PLEKHG1: variants seen among roughly 807,000 people sequenced by gnomAD.
PLEKHG1 encodes pleckstrin homology and RhoGEF domain containing G1.
A neutral mutation model predicts 100.8 loss-of-function variants in PLEKHG1; 44 were observed. The observed-to-expected ratio is 0.44, with a 90% CI of 0.34 to 0.56. PLEKHG1 has a LOEUF of 0.56. Among genes scored for constraint, PLEKHG1 ranks in the 20% least tolerant of loss-of-function variants. PLEKHG1 has a pLI of 0.01. For synonymous variants in PLEKHG1, 640 were observed against 662.5 expected, an observed-to-expected ratio of 0.97 and a Z score of 0.52; for missense variants, 1,545 against 1,720.9, an observed-to-expected ratio of 0.90 and a Z score of 1.81.
At position 150,827,956 on chromosome 6, in the gene PLEKHG1, CAG is replaced by C. The variant is rs1281280771; in HGVS notation, c.1471-2625_1471-2624del. ...AAATCTGGAAAAGTTTTGGAGATCT[CAG>C]GGAAGGATTATGTTCAAGAAGTTAC... is the stretch of plus-strand genomic sequence containing the variant. On this transcript the variant is annotated intron_variant, in intron 14 of 15. Transcript: ENST00000358517. The C allele has an allele frequency of 6.8e-6, 11 of 1,611,560 alleles. 1 individual carries two copies. The South Asian group carries it at 1.1e-4, about 16-fold the overall frequency.
chr6:150,622,005 C>G (rs1308395030), intron 1 of PLEKHG1, among the ~76,000 whole-genome samples: 1 of 152,156 alleles, frequency 6.6e-6, no homozygotes, highest in African/African-American at 2.4e-5. Flanking sequence ...GAATCCAACT[C>G]ATATTTGAGG....
At chr6:150,671,933 A>G (rs1779598867) in intron 3 of PLEKHG1, among the ~76,000 whole-genome samples, 1 of 152,152 alleles carries the variant, frequency 6.6e-6, no homozygotes, top group Non-Finnish European at 1.5e-5. Flanking sequence ...GACTATATTT[A>G]TAGGTTTTAA....
chr6:150,719,531 G>A (rs1008854175), upstream of PLEKHG1, among the ~76,000 whole-genome samples: 1 of 152,126 alleles, frequency 6.6e-6, no homozygotes, highest in Non-Finnish European at 1.5e-5. Flanking sequence ...CTTAGAAAAC[G>A]ATTAAATATG....
chr6:150,840,140 C>T (rs772696885), exon 16 of PLEKHG1: 4 of 1,614,208 alleles, frequency 2.5e-6, no homozygotes, highest in Admixed American at 1.7e-5. Context: ...CTCTTCAAAC[C>T]TCTGACCCTC....
At chr6:150,836,246 C>T (rs578211188) in intron 15 of PLEKHG1, among the ~76,000 whole-genome samples, 76 of 152,132 alleles carry the variant, frequency 5.0e-4, no homozygotes, top group East Asian at 2.1e-3. Context: ...AGCGTGGTGG[C>T]GGGCACCTGT....
At chr6:150,617,892 G>A (rs1252353362) in intron 1 of PLEKHG1, among the ~76,000 whole-genome samples, 1 of 152,174 alleles carries the variant, frequency 6.6e-6, no homozygotes, top group Non-Finnish European at 1.5e-5. Flanking sequence ...AGAATACATT[G>A]AAACACAGGA....
intron 15 of PLEKHG1, among the ~76,000 whole-genome samples, chr6:150,836,959 C>T (rs1461854543): frequency 1.3e-5 from 2 of 152,012 alleles, no homozygotes; most frequent in Non-Finnish European, 2.9e-5. Flanking sequence ...ATCAGGAGTT[C>T]GAGACCAGCT....
intron 1 of PLEKHG1, among the ~76,000 whole-genome samples, chr6:150,635,380 G>A (rs916484440): frequency 5.9e-5 from 9 of 152,156 alleles, no homozygotes; most frequent in Admixed American, 1.3e-4. Flanking sequence ...GAAAAGTCAT[G>A]AGTGGACATT....
chr6:150,629,748 TG>T (rs1777666290), intron 1 of PLEKHG1, among the ~76,000 whole-genome samples: 1 of 152,206 alleles, frequency 6.6e-6, no homozygotes, highest in Non-Finnish European at 1.5e-5. Context: ...CGTGAGCCAC[TG>T]CACCTGGCTG....
At chr6:150,800,355 G>A (rs945230870) in intron 5 of PLEKHG1, among the ~76,000 whole-genome samples, 4 of 152,266 alleles carry the variant, frequency 2.6e-5, no homozygotes, top group African/African-American at 4.8e-5. Context: ...ATGGAATACC[G>A]ACGTGCTGTG....
intron 3 of PLEKHG1, among the ~76,000 whole-genome samples, chr6:150,688,139 G>A (rs982644650): frequency 6.8e-6 from 1 of 147,742 alleles, no homozygotes; most frequent in East Asian, 2.0e-4. Flanking sequence ...TCCGTAAGAA[G>A]TGCGAATCAC....
chr6:150,749,101 T>A (rs1783346435), intron 2 of PLEKHG1, among the ~76,000 whole-genome samples: 1 of 152,206 alleles, frequency 6.6e-6, no homozygotes, highest in African/African-American at 2.4e-5. Flanking sequence ...ACACCCCAGA[T>A]CCTGCAGCTA....
chr6:150,725,088 A>G (rs1237508669), intron 1 of PLEKHG1, among the ~76,000 whole-genome samples: 1 of 152,192 alleles, frequency 6.6e-6, no homozygotes, highest in Non-Finnish European at 1.5e-5. Flanking sequence ...TTGATTGCTC[A>G]CAGTTCCAGA....
intron 3 of PLEKHG1, among the ~76,000 whole-genome samples, chr6:150,783,099 A>AT (rs397729414): frequency 6.6e-6 from 1 of 151,640 alleles, no homozygotes; most frequent in African/African-American, 2.4e-5. Context: ...TTAAAAAAAA[A>AT]CTTTGAAATT....
In PLEKHG1 at chr6:150,840,579, G is replaced by T. The variant is rs1562573168; in HGVS notation, c.3841G>T (p.Val1281Leu). Residue 1281 changes from valine (V) to leucine (L), a missense_variant, in exon 16 of 16, where the codon GTG becomes TTG. Coordinates refer to ENST00000358517, the Ensembl canonical transcript of PLEKHG1. ...GACTGATGGAGATGAAGATGACTAT[G>T]TGGAAATCAAGTCAGAAGAAGATGA... is the stretch of plus-strand genomic sequence containing the variant. 41 of 1,614,208 alleles carry T rather than the reference G, an allele frequency of 2.5e-5. No individual in the cohort carries two copies. The highest frequency in any genetic ancestry group is 3.5e-5 in the Non-Finnish European group (41 of 1,180,022).
At chr6:150,756,681 A>G (rs1783857286) in intron 2 of PLEKHG1, among the ~76,000 whole-genome samples, 1 of 152,156 alleles carries the variant, frequency 6.6e-6, no homozygotes, top group Non-Finnish European at 1.5e-5. Context: ...AGCCTTTTCC[A>G]GTTAATATTG....
intron 1 of PLEKHG1, among the ~76,000 whole-genome samples, chr6:150,621,029 C>T (rs1777278279): frequency 6.6e-6 from 1 of 152,186 alleles, no homozygotes; most frequent in African/African-American, 2.4e-5. Context: ...TCTCTAAGTT[C>T]CTGACTTTAG....
chr6:150,700,240 G>A (rs74701919), intron 3 of PLEKHG1, among the ~76,000 whole-genome samples: 13 of 152,278 alleles, frequency 8.5e-5, no homozygotes, highest in Non-Finnish European at 1.3e-4. Context: ...CCATTGATCT[G>A]GAAGATGCAC....
At chr6:150,742,593 G>A (rs796711757) in intron 2 of PLEKHG1, among the ~76,000 whole-genome samples, 311 of 121,672 alleles carry the variant, frequency 2.6e-3, no homozygotes, top group African/African-American at 9.4e-3. Flanking sequence ...AAAAAAAAAA[G>A]AGCGCAGGGA....
Sources: allele counts gnomAD v4.1 joint callset (sites outside exome capture counted in the v4.1 genomes callset), GRCh38; gene constraint gnomAD v4.1.1; transcripts MANE v1.5; gene names NCBI Gene and HGNC (gene_info 2026-07-23, HGNC 2026-07-21).